Variants in EBF1 observed in about 807,000 individuals in gnomAD.
The protein encoded by EBF1 is transcription factor COE1.
EBF1 carries 10 observed loss-of-function variants against 68.4 expected under a neutral mutation model. That is an observed-to-expected ratio of 0.15 (90% confidence interval 0.09 to 0.25). EBF1 has a LOEUF of 0.25. Ranked by LOEUF, EBF1 falls within the 10% of genes least tolerant of loss-of-function variation. EBF1 has a pLI of 1.00. For missense variants in EBF1, 509 were observed against 794.4 expected (o/e 0.64, Z 4.32); for synonymous variants, 298 against 299.8 (o/e 0.99, Z 0.06).
intron 6 of EBF1, among the ~76,000 whole-genome samples, chr5:158,913,755 T>G (rs1806523740): frequency 6.6e-6 from 1 of 152,174 alleles, no homozygotes. Flanking sequence ...TTCGAGTTCG[T>G]GGAGGCTTTT....
At chr5:159,041,819 G>A (rs1393796398) in intron 6 of EBF1, among the ~76,000 whole-genome samples, 1 of 152,168 alleles carries the variant, frequency 6.6e-6, no homozygotes, top group Non-Finnish European at 1.5e-5. Context: ...GGAAGGGTCA[G>A]CTCACTGTTA....
intron 11 of EBF1, among the ~76,000 whole-genome samples, chr5:158,723,978 C>T (rs1216483936): frequency 6.6e-6 from 1 of 152,020 alleles, no homozygotes; most frequent in Non-Finnish European, 1.5e-5. Context: ...TTCAGGGGTA[C>T]ACAGATCCAG....
At chr5:158,711,377 T>C (rs916450219) in intron 14 of EBF1, among the ~76,000 whole-genome samples, 2 of 152,238 alleles carry the variant, frequency 1.3e-5, no homozygotes, top group African/African-American at 4.8e-5. Flanking sequence ...CACGTTATTA[T>C]CTTTGCATCA....
chr5:158,987,320 T>C (rs1026980952), intron 6 of EBF1: 1 of 152,220 alleles, frequency 6.6e-6, no homozygotes, highest in Non-Finnish European at 1.5e-5. Context: ...AAACCCCAGA[T>C]AAGTTGCACC....
At chr5:159,023,514 GA>G (rs1204386117) in intron 6 of EBF1, among the ~76,000 whole-genome samples, 1 of 152,176 alleles carries the variant, frequency 6.6e-6, no homozygotes, top group Admixed American at 6.5e-5. Context: ...TCCACGGTCT[GA>G]AAACACATCT....
At chr5:159,064,899 CTTT>C (rs57256923) in intron 6 of EBF1, among the ~76,000 whole-genome samples, 1 of 67,938 alleles carries the variant, frequency 1.5e-5, no homozygotes. Context: ...CTCTTTTCAT[CTTT>C]TTTTTTTTTT....
intron 6 of EBF1, among the ~76,000 whole-genome samples, chr5:159,012,043 C>T (rs1764771336): frequency 6.6e-6 from 1 of 152,052 alleles, no homozygotes; most frequent in Non-Finnish European, 1.5e-5. Flanking sequence ...AATCCCAGCA[C>T]TTTGGGAGGC....
intron 5 of EBF1, among the ~76,000 whole-genome samples, chr5:159,075,371 G>A (rs150126340): frequency 1.5e-4 from 23 of 152,256 alleles, no homozygotes; most frequent in African/African-American, 2.6e-4. Flanking sequence ...GCAGCCCATC[G>A]ACAGAGCCCA....
At chr5:159,097,377 G>C in intron 1 of EBF1, 1 of 532,146 alleles carries the variant, frequency 1.9e-6, no homozygotes, top group Middle Eastern at 4.9e-4. Context: ...AGGTGTGAAA[G>C]TTTTGTTTGG....
chr5:158,919,529 G>C (rs1807940931), intron 6 of EBF1, among the ~76,000 whole-genome samples: 1 of 152,120 alleles, frequency 6.6e-6, no homozygotes, highest in South Asian at 2.1e-4. Flanking sequence ...TTGAGAATGA[G>C]AAGTTACAAA....
intron 6 of EBF1, among the ~76,000 whole-genome samples, chr5:158,957,618 G>A (rs1196235938): frequency 1.3e-5 from 2 of 152,236 alleles, no homozygotes; most frequent in African/African-American, 4.8e-5. Flanking sequence ...TTGACCCAGG[G>A]TGTTTCAGGT....
At chr5:158,796,322 A>G (rs1779610926) in intron 9 of EBF1, 23 bp downstream of exon 9, 1 of 1,600,632 alleles carries the variant, frequency 6.2e-7, no homozygotes, top group African/African-American at 1.3e-5. Flanking sequence ...GCTATTAGAT[A>G]TTAATGTTCA....
chr5:158,878,240 A>G (rs1798162717), intron 6 of EBF1, among the ~76,000 whole-genome samples: 2 of 152,184 alleles, frequency 1.3e-5, no homozygotes, highest in African/African-American at 4.8e-5. Flanking sequence ...AACTATCAGC[A>G]GGAAAAAAAT....
intron 6 of EBF1, among the ~76,000 whole-genome samples, chr5:159,014,245 A>G (rs1346547951): frequency 2.0e-5 from 3 of 152,230 alleles, no homozygotes; most frequent in African/African-American, 7.2e-5. Flanking sequence ...GAAGATTCCA[A>G]AGTATTATTT....
intron 6 of EBF1, among the ~76,000 whole-genome samples, chr5:159,012,582 G>A (rs558544708): frequency 6.6e-6 from 1 of 152,128 alleles, no homozygotes; most frequent in African/African-American, 2.4e-5. Flanking sequence ...AACCTCCCAG[G>A]CTCAAGCAAT....
chr5:158,924,876 A>AAAAG (rs57702910), intron 6 of EBF1, among the ~76,000 whole-genome samples: 1 of 150,060 alleles, frequency 6.7e-6, no homozygotes, highest in East Asian at 2.0e-4. Context: ...AAAAAAAAAA[A>AAAAG]GATAAACTGA....
intron 10 of EBF1, among the ~76,000 whole-genome samples, chr5:158,763,706 ATGTT>A (rs983779994): frequency 6.6e-6 from 1 of 152,130 alleles, no homozygotes; most frequent in Admixed American, 6.5e-5. Flanking sequence ...GACCATGGTG[ATGTT>A]TGTTGATTGA....
chr5:159,001,541 C>T (rs942644837), intron 6 of EBF1, among the ~76,000 whole-genome samples: 1 of 152,146 alleles, frequency 6.6e-6, no homozygotes, highest in Admixed American at 6.6e-5. Context: ...GTAAAAGAAA[C>T]GATATTCCCC....
At chr5:159,056,283 G>C in intron 6 of EBF1, among the ~76,000 whole-genome samples, 1 of 152,256 alleles carries the variant, frequency 6.6e-6, no homozygotes, top group East Asian at 1.9e-4. Context: ...TGTGGAGACG[G>C]AAAAAATTAA....
Sources: gnomAD v4.1 joint callset for allele counts (sites outside exome capture counted in the v4.1 genomes callset) on GRCh38, gnomAD v4.1.1 for gene constraint, MANE v1.5 for transcripts, NCBI Gene and HGNC (gene_info 2026-07-23, HGNC 2026-07-21) for gene names.